The following NCOR2 variants were observed in gnomAD, a reference collection of about 807,000 sequenced individuals.
NCOR2 encodes the protein CTG repeat protein 26.
A neutral mutation model predicts 262.9 loss-of-function variants in NCOR2; 81 were observed. The ratio of observed to expected loss-of-function variants is 0.31; its 90% CI spans 0.26 to 0.37. The LOEUF is 0.37. Ranked by LOEUF, NCOR2 falls within the 10% of genes least tolerant of loss-of-function variation. The probability of loss-of-function intolerance (pLI) is 1.00; values close to 1 mark genes in which losing one functional copy is unlikely to be tolerated. For missense variants in NCOR2, 3,385 were observed against 3,621.4 expected (o/e 0.93, Z 1.68); for synonymous variants, 1,659 against 1,559.3 (o/e 1.06, Z -1.51).
At chr12:124,526,957 C>A (rs1213144745) in intron 1 of NCOR2, among the ~76,000 whole-genome samples, 1 of 152,198 alleles carries the variant, frequency 6.6e-6, no homozygotes, top group East Asian at 1.9e-4. Context: ...CAAGAGCCAG[C>A]CAATCAGGGC....
intron 1 of NCOR2, among the ~76,000 whole-genome samples, chr12:124,501,051 C>CACGCGT (rs1278136069): frequency 1.0e-5 from 1 of 97,760 alleles, no homozygotes; most frequent in South Asian, 3.8e-4. Context: ...CACGAGCGCG[C>CACGCGT]GCGCACGCGC....
At chr12:124,338,505 CAA>C (rs575208388) in intron 37 of NCOR2, among the ~76,000 whole-genome samples, 67 of 87,680 alleles carry the variant, frequency 7.6e-4, no homozygotes, top group Admixed American at 7.4e-4. Flanking sequence ...ACAACTCCAT[CAA>C]AAAAAAAAAA....
intron 41 of NCOR2, among the ~76,000 whole-genome samples, chr12:124,333,887 TG>T (rs1446708392): frequency 3.0e-4 from 3 of 10,118 alleles, no homozygotes; most frequent in Non-Finnish European, 1.7e-3. Flanking sequence ...CGGGTGTGCA[TG>T]TGTGTGTGCG....
intron 16 of NCOR2, among the ~76,000 whole-genome samples, chr12:124,392,889 G>A (rs995575426): frequency 1.3e-5 from 2 of 152,246 alleles, no homozygotes. Context: ...TGGAGTCCTG[G>A]GGGAGGCCTC....
intron 20 of NCOR2, among the ~76,000 whole-genome samples, chr12:124,367,220 G>A (rs1007042608): frequency 1.3e-5 from 2 of 152,274 alleles, no homozygotes; most frequent in African/African-American, 4.8e-5. Flanking sequence ...ATTGGCAGGG[G>A]GTGAGCGGGG....
Position 124,452,903 on chromosome 12 carries a change from C to T in NCOR2, c.763-3036G>A, listed in dbSNP as rs207473448. 3.2e-3 allele frequency among the ~76,000 whole-genome samples: 482 copies of T among 152,274 alleles called. 2 individuals carry two copies. The highest frequency in any genetic ancestry group is 0.017 in the Middle Eastern group (5 of 294). On this transcript the variant is annotated intron_variant, in intron 6 of 46. Coordinates refer to ENST00000405201, the Ensembl canonical transcript of NCOR2. ...GGACTGAGGATACTGTGGGGTGCTG[C>T]GGCCTCTAAACAGGAACTGCCCCCC...
chr12:124,472,036 T>C (rs1304001405), intron 4 of NCOR2, among the ~76,000 whole-genome samples: 1 of 152,232 alleles, frequency 6.6e-6, no homozygotes, highest in Non-Finnish European at 1.5e-5. Flanking sequence ...AATAAAACTT[T>C]ATTTACAAAA....
intron 18 of NCOR2, among the ~76,000 whole-genome samples, chr12:124,377,138 A>G (rs1440729851): frequency 1.3e-5 from 2 of 152,168 alleles, no homozygotes; most frequent in Non-Finnish European, 2.9e-5. Context: ...AACAAAGTTG[A>G]GCCGTGTGTT....
intron 10 of NCOR2, among the ~76,000 whole-genome samples, chr12:124,427,513 G>A (rs1270622519): frequency 2.0e-5 from 3 of 152,206 alleles, no homozygotes; most frequent in Non-Finnish European, 2.9e-5. Flanking sequence ...CGAGGACTCC[G>A]CGTAGCCAAG....
At chr12:124,381,826 C>T (rs2040432284) in intron 17 of NCOR2, among the ~76,000 whole-genome samples, 1 of 152,214 alleles carries the variant, frequency 6.6e-6, no homozygotes, top group Non-Finnish European at 1.5e-5. Context: ...GGCCTGAATT[C>T]ACAGATGGGA....
At chr12:124,464,434 T>G (rs1026513322) in intron 5 of NCOR2, among the ~76,000 whole-genome samples, 1 of 152,234 alleles carries the variant, frequency 6.6e-6, no homozygotes, top group African/African-American at 2.4e-5. Context: ...CCTGGAGCCA[T>G]CTCAATCTTG....
At chr12:124,505,220 G>T (rs1371972184) in intron 1 of NCOR2, among the ~76,000 whole-genome samples, 2 of 152,164 alleles carry the variant, frequency 1.3e-5, no homozygotes, top group Non-Finnish European at 2.9e-5. Context: ...GGTTCAGTCT[G>T]TCTTCTCCTG....
chr12:124,368,003 C>A (rs1478685278), intron 20 of NCOR2, among the ~76,000 whole-genome samples: 53 of 152,202 alleles, frequency 3.5e-4, no homozygotes, highest in Non-Finnish European at 5.9e-5. Context: ...GGGGCGGGGA[C>A]TCTCAGGGCC....
chr12:124,372,284 C>G lies in NCOR2; in HGVS notation c.2545G>C (p.Glu849Gln), dbSNP rs142292731. ...TTCCCTGTGTCCACTGCCAGCTCCTCAGCCGCGGGGGGCTTCTGCTCCTCC... is the reference window on the plus strand; with the variant it reads ...TTCCCTGTGTCCACTGCCAGCTCCTGAGCCGCGGGGGGCTTCTGCTCCTCC... The change falls in exon 20 of 47, where the codon GAG becomes CAG. Residue 849 changes from glutamate (E) to glutamine (Q), a missense_variant. Physicochemically the swap from Glu to Gln is conservative, Grantham distance 29 (BLOSUM62 2). Transcript: ENST00000405201. The G allele has an allele frequency of 3.8e-5, 59 of 1,553,032 alleles. 2 individuals carry two copies. The South Asian group carries it at 6.1e-4, about 16-fold the overall frequency.
At position 124,374,480 on chromosome 12, in the gene NCOR2, G is replaced by C; in HGVS notation, c.2168-17C>G. 6.2e-7 allele frequency: 1 copy of C among 1,610,850 alleles called. No homozygotes were observed. The highest frequency in any genetic ancestry group is 8.5e-7 in the Non-Finnish European group (1 of 1,178,808). ...CATGTAAGGCTGGAAGGAAGTCAGAGAAGAGTTAGAAGTGAGGCAGCACCA... is the reference window on the plus strand; with the variant it reads ...CATGTAAGGCTGGAAGGAAGTCAGACAAGAGTTAGAAGTGAGGCAGCACCA... On this transcript the variant is annotated splice_polypyrimidine_tract_variant and intron_variant, in intron 18 of 46. Transcript: ENST00000405201.
intron 10 of NCOR2, 94 bp downstream of exon 12, chr12:124,429,519 C>G (rs1334860523): frequency 7.3e-7 from 1 of 1,371,184 alleles, no homozygotes; most frequent in Non-Finnish European, 1.0e-6. Flanking sequence ...TCGACGTAAA[C>G]CACCCGGGAG....
chr12:124,522,709 G>A (rs984775201), intron 1 of NCOR2, among the ~76,000 whole-genome samples: 7 of 152,236 alleles, frequency 4.6e-5, no homozygotes, highest in African/African-American at 1.4e-4. Flanking sequence ...GGCAGCAGTC[G>A]CATGCCCGGA....
chr12:124,560,410 C>A (rs1435060152), intron 1 of NCOR2, among the ~76,000 whole-genome samples: 1 of 152,212 alleles, frequency 6.6e-6, no homozygotes, highest in Non-Finnish European at 1.5e-5. Context: ...AAATATTATT[C>A]TTCTTTCGAT....
At chr12:124,433,271 C>T (rs2044083823) in intron 8 of NCOR2, among the ~76,000 whole-genome samples, 1 of 152,094 alleles carries the variant, frequency 6.6e-6, no homozygotes, top group Non-Finnish European at 1.5e-5. Flanking sequence ...GCTGACAGCC[C>T]CAGTGAGGGA....
Sources: allele counts gnomAD v4.1 joint callset (sites outside exome capture counted in the v4.1 genomes callset), GRCh38; gene constraint gnomAD v4.1.1; transcripts MANE v1.5; gene names NCBI Gene and HGNC (gene_info 2026-07-23, HGNC 2026-07-21).